FAM13A: variants seen among roughly 807,000 people sequenced by gnomAD.
FAM13A encodes the protein family with sequence similarity 13 member A, also known as protein FAM13A.
A neutral mutation model predicts 129.6 loss-of-function variants in FAM13A; 76 were observed. The observed-to-expected ratio is 0.59, with a 90% confidence interval of 0.49 to 0.71. The LOEUF (loss-of-function observed/expected upper bound fraction) is 0.71. FAM13A is among the 30% of genes least tolerant of loss of function. The probability of loss-of-function intolerance (pLI) is 0.00; values close to 1 mark genes in which losing one functional copy is unlikely to be tolerated. For missense variants in FAM13A, 1,108 were observed against 1,249.3 expected, an observed-to-expected ratio of 0.89 and a Z score of 1.70; for synonymous variants, 443 against 449.9, an observed-to-expected ratio of 0.98 and a Z score of 0.20.
At chr4:88,857,581 A>G (rs1366957538) in intron 6 of FAM13A, among the ~76,000 whole-genome samples, 1 of 139,300 alleles carries the variant, frequency 7.2e-6, no homozygotes, top group Non-Finnish European at 1.5e-5. Context: ...GTGAGTGAAG[A>G]TTGTGCCACT....
intron 7 of FAM13A, among the ~76,000 whole-genome samples, chr4:88,805,532 G>C (rs978744317): frequency 6.6e-6 from 1 of 152,024 alleles, no homozygotes; most frequent in Non-Finnish European, 1.5e-5. Flanking sequence ...CCATACTCAC[G>C]GGCTCTTTGT....
chr4:88,833,885 T>TA (rs901242445), intron 7 of FAM13A, among the ~76,000 whole-genome samples: 46 of 149,286 alleles, frequency 3.1e-4, no homozygotes, highest in African/African-American at 9.3e-4. Context: ...GACTCCGTCT[T>TA]AAAAAAAAAA....
intron 7 of FAM13A, among the ~76,000 whole-genome samples, chr4:88,825,890 T>C (rs182416891): frequency 1.3e-5 from 2 of 152,316 alleles, no homozygotes; most frequent in East Asian, 3.9e-4. Context: ...GTCTCCATCA[T>C]TTATAACAAT....
intron 4 of FAM13A, among the ~76,000 whole-genome samples, chr4:88,972,664 G>C (rs932867995): frequency 3.3e-5 from 5 of 151,884 alleles, no homozygotes; most frequent in Non-Finnish European, 5.9e-5. Context: ...CTGGAGTGCA[G>C]TGGTGTGATC....
intron 5 of FAM13A, among the ~76,000 whole-genome samples, chr4:88,911,324 T>C (rs935653150): frequency 1.2e-4 from 19 of 152,202 alleles, no homozygotes. Context: ...TGGAAAAAGT[T>C]ACAGAATTGG....
chr4:88,922,635 A>T (rs1394023370), intron 5 of FAM13A, among the ~76,000 whole-genome samples: 1 of 152,214 alleles, frequency 6.6e-6, no homozygotes, highest in South Asian at 2.1e-4. Context: ...CATCACAATT[A>T]AAAGAACTAG....
chr4:89,045,637 A>G (rs544561725), intron 1 of FAM13A, among the ~76,000 whole-genome samples: 21 of 152,356 alleles, frequency 1.4e-4, no homozygotes, highest in Non-Finnish European at 2.6e-4. Flanking sequence ...GCACTATGTA[A>G]TAAAAGAAAA....
At position 88,831,491 on chromosome 4, in the gene FAM13A, AAATACCAAGCGCAAGCAT is replaced by A. The variant is rs1733880605; in HGVS notation, c.1007+19511_1007+19528del. On this transcript the variant is annotated intron_variant, in intron 7 of 23. Coordinates refer to ENST00000264344, the MANE Select transcript of FAM13A (RefSeq NM_014883.4). Reference sequence around the variant, plus strand: ...AAACTCGTCATATTCCTGAGACATGAAATACCAAGCGCAAGCATAAAAATCTCTTAATGTCAATATACT... The same window carrying A: ...AAACTCGTCATATTCCTGAGACATGAAAAAATCTCTTAATGTCAATATACT... Among the ~76,000 whole-genome samples, 5 of 152,326 alleles carry A rather than the reference AAATACCAAGCGCAAGCAT, an allele frequency of 3.3e-5. No individual in the cohort carries two copies. In the South Asian group the frequency reaches 1.0e-3, roughly 32 times the overall value.
intron 7 of FAM13A, among the ~76,000 whole-genome samples, chr4:88,821,021 C>A (rs532693046): frequency 3.9e-5 from 6 of 152,284 alleles, no homozygotes; most frequent in Non-Finnish European, 8.8e-5. Context: ...CTGCTTCAGG[C>A]CCATAACGGT....
chr4:88,943,567 A>C (rs1021719962), intron 4 of FAM13A, among the ~76,000 whole-genome samples: 4 of 152,212 alleles, frequency 2.6e-5, no homozygotes, highest in African/African-American at 9.7e-5. Flanking sequence ...TAATTGCTTT[A>C]TTCTGATGCC....
intron 4 of FAM13A, among the ~76,000 whole-genome samples, chr4:88,963,964 A>G (rs1179141723): frequency 6.6e-6 from 1 of 152,180 alleles, no homozygotes; most frequent in Non-Finnish European, 1.5e-5. Flanking sequence ...GGCAGGTCCC[A>G]CTGAACAATA....
chr4:88,887,135 G>A (rs906698304), intron 6 of FAM13A, among the ~76,000 whole-genome samples: 1 of 151,932 alleles, frequency 6.6e-6, no homozygotes, highest in Non-Finnish European at 1.5e-5. Context: ...ACGGACTTTC[G>A]GGACTTGGGG....
At chr4:88,970,012 CAG>C (rs1759860157) in intron 4 of FAM13A, among the ~76,000 whole-genome samples, 1 of 152,194 alleles carries the variant, frequency 6.6e-6, no homozygotes, top group Non-Finnish European at 1.5e-5. Flanking sequence ...ACTGGTCACC[CAG>C]CCTCTTGCTA....
In FAM13A at chr4:88,738,923, T is replaced by C. The variant is rs966634283; in HGVS notation, c.2562+107A>G. ...GGATAGTAATGGCTGATTCAGCAATTAAAGCCTATTCTTTAATGAGAAAGC... is the reference window on the plus strand; with the variant it reads ...GGATAGTAATGGCTGATTCAGCAATCAAAGCCTATTCTTTAATGAGAAAGC... On this transcript the variant is annotated intron_variant, in intron 20 of 23. Coordinates refer to ENST00000264344, the MANE Select transcript of FAM13A (RefSeq NM_014883.4). 5 of 737,524 alleles carry C rather than the reference T, an allele frequency of 6.8e-6. No homozygotes were observed. The African/African-American group carries it at 8.7e-5, about 13-fold the overall frequency. 45.7% of individuals were successfully genotyped at this position (737,524 alleles called of 1,614,324 possible).
intron 3 of FAM13A, among the ~76,000 whole-genome samples, chr4:89,015,069 CG>C (rs1766282820): frequency 6.6e-6 from 1 of 151,968 alleles, no homozygotes; most frequent in South Asian, 2.1e-4. Context: ...CTGTCTTTTA[CG>C]GTTGAAGATA....
At position 88,843,882 on chromosome 4, in the gene FAM13A, C is replaced by T. The variant is rs570959406; in HGVS notation, c.1007+7138G>A. Among the ~76,000 whole-genome samples the T allele has an allele frequency of 2.5e-4, 38 of 152,280 alleles. No homozygotes were observed. The South Asian group carries it at 7.1e-3, about 28-fold the overall frequency. On this transcript the variant is annotated intron_variant, in intron 7 of 23. Coordinates refer to ENST00000264344, the MANE Select transcript of FAM13A (RefSeq NM_014883.4). ...ATGATGTGGGGACAATGAGAGCGCACGGCTGTCCTGGCTTCTGTAGTATCT... is the reference window on the plus strand; with the variant it reads ...ATGATGTGGGGACAATGAGAGCGCATGGCTGTCCTGGCTTCTGTAGTATCT...
intron 7 of FAM13A, among the ~76,000 whole-genome samples, chr4:88,832,817 T>C (rs941452517): frequency 1.3e-5 from 2 of 152,212 alleles, no homozygotes; most frequent in Non-Finnish European, 2.9e-5. Flanking sequence ...TGGAAGACAG[T>C]GTGGTGATTC....
intron 1 of FAM13A, among the ~76,000 whole-genome samples, chr4:89,045,162 G>A (rs1330195470): frequency 6.6e-6 from 1 of 152,028 alleles, no homozygotes; most frequent in Non-Finnish European, 1.5e-5. Context: ...AAAAAATTCA[G>A]GAAAGAGGTG....
intron 5 of FAM13A, among the ~76,000 whole-genome samples, chr4:88,923,489 A>G (rs1459967088): frequency 6.6e-6 from 1 of 152,228 alleles, no homozygotes; most frequent in Non-Finnish European, 1.5e-5. Flanking sequence ...AAGGCCTTTG[A>G]CAAAATTCAA....
Sources: allele counts gnomAD v4.1 joint callset (sites outside exome capture counted in the v4.1 genomes callset), GRCh38; gene constraint gnomAD v4.1.1; transcripts MANE v1.5; gene names NCBI Gene and HGNC (gene_info 2026-07-23, HGNC 2026-07-21).